Variants in C2orf76 observed in about 807,000 individuals in gnomAD.
C2orf76 encodes chromosome 2 open reading frame 76.
A neutral mutation model predicts 16.9 loss-of-function variants in C2orf76; 23 were observed. That is an observed-to-expected ratio of 1.36 (90% CI 0.98 to 1.93). The LOEUF (loss-of-function observed/expected upper bound fraction) is 1.93, where lower values mean the gene tolerates loss of function less well. Among genes scored for constraint, C2orf76 ranks in the 30% most tolerant of loss-of-function variants. The pLI is 0.00. For missense variants in C2orf76, 152 were observed against 152.6 expected, an observed-to-expected ratio of 1.00 and a Z score of 0.02; for synonymous variants, 48 against 52.3, an observed-to-expected ratio of 0.92 and a Z score of 0.35.
the C2orf76 span, among the ~76,000 whole-genome samples, chr2:119,282,291 T>C: frequency 6.6e-6 from 1 of 152,184 alleles, no homozygotes; most frequent in Non-Finnish European, 1.5e-5. Flanking sequence ...CTTATACCAA[T>C]AGGTCGGCTC....
At chr2:119,307,711 T>G (rs1558775538) in intron 5 of C2orf76, among the ~76,000 whole-genome samples, 1 of 151,940 alleles carries the variant, frequency 6.6e-6, no homozygotes, top group East Asian at 1.9e-4. Context: ...CTGAAATGAG[T>G]GGAGAATCTG....
At chr2:119,350,083 C>T (rs1317684246) in intron 1 of C2orf76, among the ~76,000 whole-genome samples, 2 of 131,348 alleles carry the variant, frequency 1.5e-5, no homozygotes, top group South Asian at 2.8e-4. Context: ...CCCGCCCCCC[C>T]ACCGTCCCGC....
intron 2 of C2orf76, among the ~76,000 whole-genome samples, chr2:119,325,212 C>T (rs972144195): frequency 6.6e-6 from 1 of 152,042 alleles, no homozygotes; most frequent in African/African-American, 2.4e-5. Flanking sequence ...GCAATCCCAG[C>T]ACTTTGGGAG....
At chr2:119,287,729 G>A in the C2orf76 span, among the ~76,000 whole-genome samples, 1 of 152,082 alleles carries the variant, frequency 6.6e-6, no homozygotes, top group South Asian at 2.1e-4. Context: ...GGAAATTCTA[G>A]AAGACAACAC....
At chr2:119,361,750 G>T (rs970749532) in intron 1 of C2orf76, among the ~76,000 whole-genome samples, 1 of 152,104 alleles carries the variant, frequency 6.6e-6, no homozygotes, top group Non-Finnish European at 1.5e-5. Context: ...GCCTCCATTG[G>T]GGGGGTCTTG....
At chr2:119,341,604 G>C (rs192008969) in intron 1 of C2orf76, among the ~76,000 whole-genome samples, 3 of 152,154 alleles carry the variant, frequency 2.0e-5, no homozygotes, top group African/African-American at 7.2e-5. Flanking sequence ...ACTTTCTGAA[G>C]TATCAAAAAC....
At chr2:119,284,138 G>A in the C2orf76 span, among the ~76,000 whole-genome samples, 1 of 152,116 alleles carries the variant, frequency 6.6e-6, no homozygotes. Context: ...GAGACACTGA[G>A]GTTCCCAGCT....
the C2orf76 span, among the ~76,000 whole-genome samples, chr2:119,295,703 C>T: frequency 6.6e-6 from 1 of 152,196 alleles, no homozygotes; most frequent in African/African-American, 2.4e-5. Flanking sequence ...GTCTCTAAGG[C>T]AGCATTCCCA....
At chr2:119,343,198 T>C (rs1280630047) in intron 1 of C2orf76, among the ~76,000 whole-genome samples, 2 of 152,232 alleles carry the variant, frequency 1.3e-5, no homozygotes, top group African/African-American at 4.8e-5. Flanking sequence ...TACTTCACTA[T>C]TTCTTATTAA....
intron 1 of C2orf76, among the ~76,000 whole-genome samples, chr2:119,349,792 C>T (rs1015043303): frequency 1.3e-5 from 2 of 152,270 alleles, no homozygotes; most frequent in East Asian, 3.9e-4. Context: ...TAGCACCTAT[C>T]ACTCGATGTC....
intron 1 of C2orf76, among the ~76,000 whole-genome samples, chr2:119,346,042 G>C (rs890830801): frequency 1.6e-5 from 2 of 122,916 alleles, no homozygotes; most frequent in African/African-American, 6.2e-5. Flanking sequence ...GCGACAGAGT[G>C]AGACGCCATC....
chr2:119,296,119 T>G, the C2orf76 span, among the ~76,000 whole-genome samples: 3 of 152,214 alleles, frequency 2.0e-5, no homozygotes, highest in Middle Eastern at 3.2e-3. Flanking sequence ...TGCCTTCCTC[T>G]TCCACTCCTA....
chr2:119,316,646 ATGAAT>A (rs148658447), intron 4 of C2orf76, among the ~76,000 whole-genome samples: 47,288 of 151,970 alleles, frequency 0.31, 7,764 homozygotes, highest in Non-Finnish European at 0.38. Flanking sequence ...ATGAAATAAA[ATGAAT>A]TAATAAATAC....
At chr2:119,366,715 A>G (rs1426916988) in intron 1 of C2orf76, 75 bp downstream of exon 1, 11 of 504,954 alleles carry the variant, frequency 2.2e-5, no homozygotes, top group South Asian at 1.7e-4. Flanking sequence ...CGTCCCCACA[A>G]CGGGCCAGGA....
chr2:119,297,525 G>T (rs922247534), downstream of C2orf76, among the ~76,000 whole-genome samples: 2 of 152,054 alleles, frequency 1.3e-5, no homozygotes, highest in Admixed American at 6.5e-5. Context: ...TTGTTGTTTT[G>T]AGACAAGGTC....
chr2:119,346,419 A>G (rs552611576), intron 1 of C2orf76, among the ~76,000 whole-genome samples: 1 of 152,342 alleles, frequency 6.6e-6, no homozygotes, highest in Admixed American at 6.5e-5. Context: ...GGTCAGGCAA[A>G]CTGCAGTATA....
At chr2:119,340,967 G>A (rs1399332894) in intron 1 of C2orf76, among the ~76,000 whole-genome samples, 1 of 150,892 alleles carries the variant, frequency 6.6e-6, no homozygotes, top group African/African-American at 2.4e-5. Context: ...ACATTCTGAT[G>A]CATTCTGAGT....
At chr2:119,366,979 T>A, upstream of C2orf76, 1 of 1,602,696 alleles carries the variant, frequency 6.2e-7, no homozygotes, top group South Asian at 1.1e-5. Context: ...CGCTTGCCAG[T>A]GCAATCTGGG....
chr2:119,337,258 A>T (rs1189396837), intron 2 of C2orf76, among the ~76,000 whole-genome samples: 1 of 149,950 alleles, frequency 6.7e-6, no homozygotes, highest in African/African-American at 2.5e-5. Context: ...TTTTGGAGAG[A>T]CAGGGTCTTG....
Sources: gnomAD v4.1 joint callset for allele counts (sites outside exome capture counted in the v4.1 genomes callset) on GRCh38, gnomAD v4.1.1 for gene constraint, MANE v1.5 for transcripts, NCBI Gene and HGNC (gene_info 2026-07-23, HGNC 2026-07-21) for gene names.